Variants in AGBL1 observed in about 807,000 individuals in gnomAD.
The protein encoded by AGBL1 is cytosolic carboxypeptidase 4.
In AGBL1, 130 loss-of-function variants were observed where a neutral mutation model predicts 118.9. The ratio of observed to expected loss-of-function variants is 1.09; its 90% CI spans 0.95 to 1.26. The LOEUF is 1.26. Among genes scored for constraint, AGBL1 ranks in the 50% most tolerant of loss-of-function variants. AGBL1 has a pLI of 0.00. For synonymous variants in AGBL1, 555 were observed against 478.9 expected, an observed-to-expected ratio of 1.16 and a Z score of -2.08; for missense variants, 1,584 against 1,298.1, an observed-to-expected ratio of 1.22 and a Z score of -3.38.
intron 21 of AGBL1, among the ~76,000 whole-genome samples, chr15:86,626,467 A>G (rs1316078940): frequency 6.6e-6 from 1 of 152,204 alleles, no homozygotes; most frequent in East Asian, 1.9e-4. Context: ...TAGTGAGAGC[A>G]CATGAGAGGA....
intron 1 of AGBL1, among the ~76,000 whole-genome samples, chr15:86,130,234 G>A (rs1315389924): frequency 6.6e-6 from 1 of 152,130 alleles, no homozygotes; most frequent in Admixed American, 6.6e-5. Flanking sequence ...GTTTCCAGCA[G>A]ATGAACATAC....
intron 22 of AGBL1, among the ~76,000 whole-genome samples, chr15:86,844,865 T>G (rs879693983): frequency 1.3e-5 from 2 of 152,170 alleles, no homozygotes; most frequent in Non-Finnish European, 2.9e-5. Context: ...TCAATTTATA[T>G]GTATCGTATG....
At chr15:86,424,459 A>G (rs921694988) in intron 18 of AGBL1, among the ~76,000 whole-genome samples, 1 of 152,214 alleles carries the variant, frequency 6.6e-6, no homozygotes, top group Non-Finnish European at 1.5e-5. Flanking sequence ...AGGCAATACC[A>G]TTCAGGACAT....
rs748513609 is a variant in AGBL1, at chr15:86,546,099, G to A, written c.2783G>A (p.Gly928Asp). The change falls in exon 20 of 23, where the codon GGC becomes GAC. Residue 928 changes from glycine to aspartate, a missense_variant. Gly to Asp is a moderately conservative substitution (Grantham distance 94). Transcript: ENST00000614907. ...ETLWQAACTVGTSTILEEVNY... is the reference protein window; with the variant it reads ...ETLWQAACTVDTSTILEEVNY... ...TTGTGGCAAGCAGCATGCACTGTGG[G>A]CACATCTACTATCCTAGAGGAGGTC... 41 of 1,613,248 alleles carry A rather than the reference G, an allele frequency of 2.5e-5. No homozygotes were observed. In the Middle Eastern group the frequency reaches 9.9e-4, roughly 39 times the overall value.
exon 25 of AGBL1, chr15:87,028,945 T>A (rs2081761093): frequency 7.6e-7 from 1 of 1,316,744 alleles, no homozygotes; most frequent in East Asian, 2.4e-5. Context: ...TGTACATGTC[T>A]TATGGAAAAT....
intron 22 of AGBL1, among the ~76,000 whole-genome samples, chr15:86,731,782 AGCTT>A (rs1444790472): frequency 2.0e-5 from 3 of 152,234 alleles, no homozygotes; most frequent in Non-Finnish European, 4.4e-5. Context: ...CTTGAAGTAA[AGCTT>A]GCTTATGTGT....
intron 22 of AGBL1, among the ~76,000 whole-genome samples, chr15:86,823,451 A>C (rs1357401083): frequency 5.3e-5 from 8 of 152,192 alleles, no homozygotes; most frequent in African/African-American, 1.9e-4. Context: ...CTTGCAAAAT[A>C]ATGCTTATAC....
chr15:86,493,891 CTGTT>C lies in AGBL1; in HGVS notation c.2556-28917_2556-28914del, dbSNP rs1229308490. 5.9e-5 allele frequency among the ~76,000 whole-genome samples: 9 copies of C among 152,130 alleles called. No individual in the cohort carries two copies. The East Asian group carries it at 1.7e-3, about 30-fold the overall frequency. ...CCCCTGACTGCCCCGACTATTTAGACTGTTTAGCTTCATATCAGTGCATGGCTCC... is the reference window on the plus strand; with the variant it reads ...CCCCTGACTGCCCCGACTATTTAGACTAGCTTCATATCAGTGCATGGCTCC... On this transcript the variant is annotated intron_variant, in intron 18 of 22. Coordinates refer to ENST00000614907, the MANE Select transcript of AGBL1 (RefSeq NM_001386094.1).
In AGBL1 at chr15:86,558,330, C is replaced by T. The variant is rs188782182; in HGVS notation, c.2994+3793C>T. Among the ~76,000 whole-genome samples, 22 of 152,280 alleles carry T rather than the reference C, an allele frequency of 1.4e-4. No homozygotes were observed. In the East Asian group the frequency reaches 2.9e-3, roughly 20 times the overall value. ...CCCCAAAGCTATGGCTCCTCCCTAC[C>T]TGCAGCCTACATCCAATAGCTGATC... On this transcript the variant is annotated intron_variant, in intron 21 of 22. Transcript: ENST00000614907.
chr15:86,461,009 T>C (rs889697719), intron 18 of AGBL1, among the ~76,000 whole-genome samples: 3 of 152,184 alleles, frequency 2.0e-5, no homozygotes, highest in Non-Finnish European at 4.4e-5. Context: ...AAGAATGATA[T>C]GATCTTATTT....
At chr15:86,837,491 G>T (rs1429261863) in intron 22 of AGBL1, among the ~76,000 whole-genome samples, 4 of 152,110 alleles carry the variant, frequency 2.6e-5, no homozygotes, top group African/African-American at 9.7e-5. Context: ...TATTTTTATG[G>T]CTTCTCTTGT....
intron 21 of AGBL1, among the ~76,000 whole-genome samples, chr15:86,578,420 A>G (rs2084125207): frequency 6.6e-6 from 1 of 152,210 alleles, no homozygotes; most frequent in Non-Finnish European, 1.5e-5. Flanking sequence ...CATAGCCAGA[A>G]GGGACTTGCC....
chr15:86,722,286 A>G (rs1333165112), intron 22 of AGBL1, among the ~76,000 whole-genome samples: 1 of 152,260 alleles, frequency 6.6e-6, no homozygotes, highest in Non-Finnish European at 1.5e-5. Flanking sequence ...CCAAAAGAGC[A>G]TGGTACTGGT....
intron 22 of AGBL1, among the ~76,000 whole-genome samples, chr15:86,676,341 C>A (rs2085846415): frequency 6.6e-6 from 1 of 152,034 alleles, no homozygotes. Context: ...GCGATTCTTG[C>A]CCAAAGGACC....
chr15:86,273,748 A>G (rs2079198809), intron 15 of AGBL1, among the ~76,000 whole-genome samples: 2 of 152,180 alleles, frequency 1.3e-5, no homozygotes, highest in South Asian at 4.1e-4. Context: ...TTATGCTGTT[A>G]AAGTCCCAGA....
At chr15:86,094,410 A>C (rs1896224179) in intron 1 of AGBL1, among the ~76,000 whole-genome samples, 1 of 152,122 alleles carries the variant, frequency 6.6e-6, no homozygotes, top group Admixed American at 6.5e-5. Flanking sequence ...CTTTCTATTT[A>C]ATTTGAAATA....
chr15:86,564,864 C>A (rs77945721), intron 21 of AGBL1, among the ~76,000 whole-genome samples: 3 of 152,102 alleles, frequency 2.0e-5, no homozygotes, highest in African/African-American at 7.2e-5. Context: ...TTCTCTTCTC[C>A]CTTCATTTCA....
intron 22 of AGBL1, among the ~76,000 whole-genome samples, chr15:86,691,715 G>A (rs760621720): frequency 3.8e-4 from 58 of 152,194 alleles, no homozygotes; most frequent in Non-Finnish European, 8.2e-4. Flanking sequence ...ATATTAAACC[G>A]ATTTGCTCCT....
rs1459821996 is a variant in AGBL1 at position 86,481,027 on chromosome 15, AT to A, written c.2556-41780del. Reference sequence around the variant, plus strand: ...CTGGTGACTATTTTCAATGGGTAGGATTTATCAGTTAAGAGGGAGGTAGCAG... The same window carrying A: ...CTGGTGACTATTTTCAATGGGTAGGATTATCAGTTAAGAGGGAGGTAGCAG... On this transcript the variant is annotated intron_variant, in intron 18 of 22. Coordinates refer to ENST00000614907, the MANE Select transcript of AGBL1 (RefSeq NM_001386094.1). 3.3e-5 allele frequency among the ~76,000 whole-genome samples: 5 copies of A among 151,784 alleles called. No individual in the cohort carries two copies. In the East Asian group the frequency reaches 9.7e-4, roughly 30 times the overall value.
Sources: gnomAD v4.1 joint callset for allele counts (sites outside exome capture counted in the v4.1 genomes callset) on GRCh38, gnomAD v4.1.1 for gene constraint, MANE v1.5 for transcripts, NCBI Gene and HGNC (gene_info 2026-07-23, HGNC 2026-07-21) for gene names.